Variants in KIF1B observed in about 807,000 individuals in gnomAD.
KIF1B encodes kinesin-like protein KIF1B.
Under a neutral mutation model 241.9 loss-of-function variants are expected in KIF1B, and 76 were observed. The ratio of observed to expected loss-of-function variants is 0.31; its 90% CI spans 0.26 to 0.38. The LOEUF (loss-of-function observed/expected upper bound fraction) is 0.38. KIF1B is among the 10% of genes least tolerant of loss of function. The pLI, the probability that KIF1B is intolerant of heterozygous loss-of-function variation, is 1.00. For missense variants in KIF1B, 1,622 were observed against 2,271.4 expected, an observed-to-expected ratio of 0.71 and a Z score of 5.81; for synonymous variants, 750 against 796.7, an observed-to-expected ratio of 0.94 and a Z score of 0.99.
chr1:10,236,924 T>C (rs1647065268), intron 2 of KIF1B, among the ~76,000 whole-genome samples: 1 of 152,142 alleles, frequency 6.6e-6, no homozygotes, highest in African/African-American at 2.4e-5. Context: ...TGTACACATG[T>C]GTTAGCTGCA....
chr1:10,291,660 C>T (rs1022209050), intron 16 of KIF1B, among the ~76,000 whole-genome samples: 13 of 150,710 alleles, frequency 8.6e-5, no homozygotes, highest in East Asian at 3.9e-4. Context: ...TGCAGTGAGC[C>T]GAGATGGTGC....
At chr1:10,369,616 G>A (rs1362546078) in intron 44 of KIF1B, among the ~76,000 whole-genome samples, 1 of 152,038 alleles carries the variant, frequency 6.6e-6, no homozygotes, top group African/African-American at 2.4e-5. Context: ...CTGTGTGACA[G>A]TATTTTTTTG....
intron 27 of KIF1B, among the ~76,000 whole-genome samples, chr1:10,327,509 A>AAAG (rs1651768949): frequency 6.6e-6 from 1 of 151,968 alleles, no homozygotes; most frequent in African/African-American, 2.4e-5. Flanking sequence ...CTCAAAAAAA[A>AAAG]AAAAAAAAAA....
Position 10,271,563 on chromosome 1 carries a change from A to T in KIF1B, c.782A>T (p.Lys261Ile). ...GSERADSTGA[K>I]GTRLKEGANI... ...GAACGAGCTGATTCAACTGGTGCCA[A>T]AGGGACTCGATTAAAGGTATTTATT... is the stretch of plus-strand genomic sequence containing the variant. The change falls in exon 8 of 49, where the codon AAA (lysine) becomes ATA (isoleucine). Residue 261 changes from lysine to isoleucine, a missense_variant. Transcript: ENST00000676179. The T allele has an allele frequency of 6.2e-7, 1 of 1,613,186 alleles. No homozygotes were observed. Among genetic ancestry groups the T allele is most frequent in the Non-Finnish European group, 8.5e-7 (1 of 1,179,158 alleles).
In KIF1B at chr1:10,287,320, C is replaced by A. The variant is rs188255763; in HGVS notation, c.1435-3762C>A. 7.2e-5 allele frequency among the ~76,000 whole-genome samples: 11 copies of A among 152,228 alleles called. No individual in the cohort carries two copies. The East Asian group carries it at 1.9e-3, about 27-fold the overall frequency. On this transcript the variant is annotated intron_variant, in intron 15 of 48. Coordinates refer to ENST00000676179, the MANE Select transcript of KIF1B (RefSeq NM_001365951.3). ...CAAGCGAATCTCCTGCTTCAGCCTC[C>A]CAAGTAACTGGGACTACAGGTGCGT...
intron 2 of KIF1B, among the ~76,000 whole-genome samples, chr1:10,251,402 G>A (rs1402775310): frequency 6.6e-6 from 1 of 151,298 alleles, no homozygotes. Context: ...GTCATTCTTG[G>A]TAGAATTGGT....
chr1:10,365,553 A>C lies in KIF1B; in HGVS notation c.4657A>C (p.Thr1553Pro), dbSNP rs1282694024. 4 of 1,613,840 alleles carry C rather than the reference A, an allele frequency of 2.5e-6. No homozygotes were observed. The highest frequency in any genetic ancestry group is 1.7e-5 in the Admixed American group (1 of 59,964). The change falls in exon 43 of 49, where the codon ACC becomes CCC. Residue 1553 changes from threonine (T) to proline (P), a missense_variant. Around this residue, in one of 7 missense-constraint regions of KIF1B, gnomAD observed 357 missense variants for 409.0 expected, o/e 0.87. Coordinates refer to ENST00000676179, the MANE Select transcript of KIF1B (RefSeq NM_001365951.3). The surrounding 1 kb of genome is among the most constrained non-coding windows in gnomAD (Gnocchi z 4.0). Reference protein sequence around the residue: ...TSISSQISTTTFESAITPSES... With the variant: ...TSISSQISTTPFESAITPSES... ...TATCTCCTCTCAGATCTCAACCACT[A>C]CCTTTGAAAGCGCCATCACACCTAG...
At chr1:10,305,926 A>G in intron 22 of KIF1B, 1 of 1,054,022 alleles carries the variant, frequency 9.5e-7, no homozygotes, top group Non-Finnish European at 1.1e-6. Context: ...GAAGATTCCT[A>G]AGTCACATGA....
chr1:10,325,833 G>A (rs898531763), intron 26 of KIF1B, among the ~76,000 whole-genome samples: 1 of 152,132 alleles, frequency 6.6e-6, no homozygotes, highest in East Asian at 1.9e-4. Context: ...GAATGTAAAC[G>A]TGTTATAGCA....
chr1:10,264,141 C>CT (rs1320318176), intron 5 of KIF1B, among the ~76,000 whole-genome samples: 3 of 152,166 alleles, frequency 2.0e-5, no homozygotes, highest in Non-Finnish European at 4.4e-5. Context: ...ATTCTATTTT[C>CT]TTTTTTCCAT....
chr1:10,234,473 G>C lies in KIF1B; in HGVS notation c.106+2039G>C, dbSNP rs547315185. 1.6e-3 allele frequency among the ~76,000 whole-genome samples: 244 copies of C among 152,058 alleles called. 3 individuals carry two copies. The highest frequency in any genetic ancestry group is 5.7e-3 in the African/African-American group (238 of 41,466). Reference sequence around the variant, plus strand: ...TCCACCTGCCTTGGCCTCCCAGAGTGCTGGGATTATAGGCATGAGCTGCCG... The same window carrying C: ...TCCACCTGCCTTGGCCTCCCAGAGTCCTGGGATTATAGGCATGAGCTGCCG... On this transcript the variant is annotated intron_variant, in intron 2 of 48. Transcript: ENST00000676179.
intron 2 of KIF1B, among the ~76,000 whole-genome samples, chr1:10,255,580 A>G (rs2102180210): frequency 1.3e-5 from 2 of 152,184 alleles, no homozygotes; most frequent in Middle Eastern, 6.8e-3. Context: ...ATAGAGCAAG[A>G]CTCTGTCTTC....
chr1:10,334,041 C>G (rs1652065004), intron 27 of KIF1B, among the ~76,000 whole-genome samples: 1 of 148,758 alleles, frequency 6.7e-6, no homozygotes, highest in South Asian at 2.1e-4. Context: ...ATCCCAGCTA[C>G]TCGGGAGGCT....
chr1:10,262,507 G>A (rs1161230263), intron 5 of KIF1B, among the ~76,000 whole-genome samples: 1 of 152,140 alleles, frequency 6.6e-6, no homozygotes, highest in Non-Finnish European at 1.5e-5. Context: ...TCTTTTGTAT[G>A]TTTCTTGGTT....
intron 27 of KIF1B, among the ~76,000 whole-genome samples, chr1:10,331,094 CAAAA>C (rs57812252): frequency 7.8e-6 from 1 of 129,020 alleles, no homozygotes. Flanking sequence ...AACCCCACCT[CAAAA>C]AAAAAAAAAA....
In KIF1B at chr1:10,377,720, C is replaced by T. The variant is rs4240912; in HGVS notation, c.*1133C>T. ...TGGGGAGGCCGAGGCGGGCAGATCA[C>T]GAGATCAGGAGTTCAAGACCAGCCT... On this transcript the variant is annotated 3_prime_UTR_variant, in exon 49 of 49. Coordinates refer to ENST00000676179, the MANE Select transcript of KIF1B (RefSeq NM_001365951.3). The T allele has an allele frequency of 0.1, 19,155 of 186,668 alleles. 1,188 individuals carry two copies. The highest frequency in any genetic ancestry group is 0.18 in the South Asian group (955 of 5,192). The allele number at this position is 186,668 out of a possible 1,614,324, so 11.6% of individuals were successfully genotyped here.
At position 10,377,221 on chromosome 1, in the gene KIF1B, AAC is replaced by A. The variant is rs1638913951; in HGVS notation, c.*636_*637del. On this transcript the variant is annotated 3_prime_UTR_variant, in exon 49 of 49. Coordinates refer to ENST00000676179, the MANE Select transcript of KIF1B (RefSeq NM_001365951.3). ...AAGGTGGTAGTGAGCATAGAACTGC[AAC>A]AGTTATATTCTGAGTCAAAGTTGGG... is the stretch of plus-strand genomic sequence containing the variant. 4.3e-6 allele frequency: 1 copy of A among 233,442 alleles called. No homozygotes were observed. The highest frequency in any genetic ancestry group is 2.2e-5 in the African/African-American group (1 of 45,152). 14.5% of individuals were successfully genotyped at this position (233,442 alleles called of 1,614,324 possible).
intron 5 of KIF1B, among the ~76,000 whole-genome samples, chr1:10,263,690 T>G (rs1181209249): frequency 6.6e-6 from 1 of 152,236 alleles, no homozygotes; most frequent in African/African-American, 2.4e-5. Flanking sequence ...CTGAATAGCT[T>G]GTCCCATAGT....
In KIF1B at chr1:10,279,138, T is replaced by C; in HGVS notation, c.1222T>C (p.Tyr408His). The C allele has an allele frequency of 6.5e-7, 1 of 1,530,294 alleles. No individual in the cohort carries two copies. The highest frequency in any genetic ancestry group is 8.8e-7 in the Non-Finnish European group (1 of 1,132,234). The allele number at this position is 1,530,294 out of a possible 1,614,324, so 94.8% of individuals were successfully genotyped here. A position where few individuals can be genotyped will look rare whatever the true frequency, so the allele number is the denominator to read the frequency against. The change falls in exon 14 of 49, where the codon TAT becomes CAT. Residue 408 changes from tyrosine (Y) to histidine (H), a missense_variant and splice_region_variant. Coordinates refer to ENST00000676179, the MANE Select transcript of KIF1B (RefSeq NM_001365951.3). ...TGATTACTCTGGAAGTGGAAGCAAA[T>C]GTGTGTATTTCACATATTGGTTATT... is the stretch of plus-strand genomic sequence containing the variant. ...IDDYSGSGSK[Y>H]LKDFQNNKHR...
Sources: gnomAD v4.1 joint callset for allele counts (sites outside exome capture counted in the v4.1 genomes callset) on GRCh38, gnomAD v4.1.1 for gene constraint, gnomAD v4.1.1 regional missense constraint, Gnocchi (gnomAD v3.1) non-coding constraint, MANE v1.5 for transcripts, NCBI Gene and HGNC (gene_info 2026-07-23, HGNC 2026-07-21) for gene names.